Variants in PRKN observed in about 807,000 individuals in gnomAD.
PRKN encodes E3 ubiquitin-protein ligase parkin.
In PRKN, 56 loss-of-function variants were observed where a neutral mutation model predicts 59.5. The observed-to-expected ratio is 0.94, with a 90% CI of 0.76 to 1.18. The LOEUF is 1.18. PRKN is among the 50% of genes most tolerant of loss of function. PRKN has a pLI of 0.00. For missense variants in PRKN, 657 were observed against 596.4 expected (o/e 1.10, Z -1.06); for synonymous variants, 250 against 222.1 (o/e 1.13, Z -1.12).
At chr6:162,696,477 A>C (rs1247181463) in intron 1 of PRKN, among the ~76,000 whole-genome samples, 1 of 146,428 alleles carries the variant, frequency 6.8e-6, no homozygotes, top group Non-Finnish European at 1.5e-5. Context: ...AAAAGCATGT[A>C]TTTGTTTGTG....
chr6:161,628,110 TCTC>T (rs561296041), intron 7 of PRKN, among the ~76,000 whole-genome samples: 48 of 152,258 alleles, frequency 3.2e-4, no homozygotes, highest in African/African-American at 9.4e-4. Flanking sequence ...GATTTATTGC[TCTC>T]CTTTTTCTTA....
At chr6:161,829,919 C>T (rs938582522) in intron 6 of PRKN, among the ~76,000 whole-genome samples, 5 of 149,708 alleles carry the variant, frequency 3.3e-5, no homozygotes, top group African/African-American at 1.2e-4. Context: ...AGCAAGTGAA[C>T]AAGTTTGCAG....
At chr6:162,044,754 T>C (rs1047887838) in intron 5 of PRKN, among the ~76,000 whole-genome samples, 5 of 152,162 alleles carry the variant, frequency 3.3e-5, no homozygotes, top group African/African-American at 1.2e-4. Context: ...CATGCCAACA[T>C]CACCACCTGT....
At position 162,223,903 on chromosome 6, in the gene PRKN, A is replaced by G. The variant is rs572936143; in HGVS notation, c.413-22651T>C. Among the ~76,000 whole-genome samples the G allele has an allele frequency of 1.3e-3, 194 of 152,244 alleles. 1 individual carries two copies. Among genetic ancestry groups the G allele is most frequent in the African/African-American group, 4.3e-3 (178 of 41,544 alleles). ...GGAATCATATGAGATAAATATTACT[A>G]TTATTCCAATGTATCCCTTTTTAAA... On this transcript the variant is annotated intron_variant, in intron 3 of 11. Transcript: ENST00000366898.
chr6:161,986,686 C>G (rs1192038583), intron 5 of PRKN, among the ~76,000 whole-genome samples: 1 of 151,958 alleles, frequency 6.6e-6, no homozygotes, highest in African/African-American at 2.4e-5. Context: ...GAGCTTCTGT[C>G]ACCTACATAT....
At chr6:162,078,753 T>TAAA (rs1309430893) in intron 4 of PRKN, among the ~76,000 whole-genome samples, 4 of 151,994 alleles carry the variant, frequency 2.6e-5, no homozygotes, top group African/African-American at 9.7e-5. Context: ...CCACAAACCA[T>TAAA]AAACTTGTAA....
chr6:162,682,474 C>A (rs1779808225), intron 1 of PRKN, among the ~76,000 whole-genome samples: 1 of 152,076 alleles, frequency 6.6e-6, no homozygotes, highest in Admixed American at 6.6e-5. Flanking sequence ...CAGCTGGAGG[C>A]CATTATGTTA....
rs377565476 is a variant in PRKN at position 162,238,717 on chromosome 6, T to C, written c.412+23808A>G. On this transcript the variant is annotated intron_variant, in intron 3 of 11. Transcript: ENST00000366898. The stretch of plus-strand genomic sequence containing the variant: ...GGTTGTGACCTAGAATATTCTGTTG[T>C]TTTTCTGGTTTAGAGAAACAGAAAG... 6.8e-4 allele frequency among the ~76,000 whole-genome samples: 104 copies of C among 152,240 alleles called. 2 individuals are homozygous for C. The South Asian group carries it at 0.02, about 29-fold the overall frequency.
chr6:161,931,201 C>T (rs1478680904), intron 6 of PRKN, among the ~76,000 whole-genome samples: 2 of 151,978 alleles, frequency 1.3e-5, no homozygotes, highest in Admixed American at 6.6e-5. Context: ...TTTGGGAGGC[C>T]GAGGTGGGTG....
At chr6:162,475,362 T>C (rs1478065343) in intron 1 of PRKN, among the ~76,000 whole-genome samples, 1 of 152,166 alleles carries the variant, frequency 6.6e-6, no homozygotes, top group African/African-American at 2.4e-5. Context: ...GGATTTTCAC[T>C]TCCAAGTCCA....
In PRKN at chr6:161,356,008, C is replaced by T. The variant is rs542418586; in HGVS notation, c.1285+4080G>A. On this transcript the variant is annotated intron_variant, in intron 11 of 11. Transcript: ENST00000366898. The surrounding 1 kb of genome is among the most constrained non-coding windows in gnomAD (Gnocchi z 7.8). ...GCACAGCCTAAGAGGCCTGAGCTGACGTCCAGGAGCTCTGGGGATGGGGCA... is the reference window on the plus strand; with the variant it reads ...GCACAGCCTAAGAGGCCTGAGCTGATGTCCAGGAGCTCTGGGGATGGGGCA... 1.6e-4 allele frequency among the ~76,000 whole-genome samples: 24 copies of T among 152,282 alleles called. No homozygotes were observed. Among genetic ancestry groups the T allele is most frequent in the African/African-American group, 4.3e-4 (18 of 41,548 alleles).
intron 7 of PRKN, among the ~76,000 whole-genome samples, chr6:161,663,547 T>C (rs1317158338): frequency 6.6e-6 from 1 of 152,130 alleles, no homozygotes; most frequent in Non-Finnish European, 1.5e-5. Flanking sequence ...GTGGGATAAA[T>C]CAAGGATATA....
chr6:162,464,022 G>C (rs560701539), intron 1 of PRKN, among the ~76,000 whole-genome samples: 2 of 152,212 alleles, frequency 1.3e-5, no homozygotes, highest in South Asian at 4.1e-4. Flanking sequence ...TTTAATCAAA[G>C]ACTGCCCTGA....
At chr6:162,342,347 CA>C (rs1354273916) in intron 2 of PRKN, among the ~76,000 whole-genome samples, 5 of 152,108 alleles carry the variant, frequency 3.3e-5, no homozygotes, top group Non-Finnish European at 4.4e-5. Context: ...CAAAACAAAA[CA>C]AAACAACGTT....
intron 4 of PRKN, among the ~76,000 whole-genome samples, chr6:162,125,723 T>C (rs549031774): frequency 2.5e-4 from 38 of 152,290 alleles, no homozygotes; most frequent in African/African-American, 8.9e-4. Flanking sequence ...TTGAACCTGG[T>C]AGAGCTGGTG....
intron 6 of PRKN, among the ~76,000 whole-genome samples, chr6:161,911,985 C>CT (rs1399748066): frequency 2.0e-5 from 3 of 152,006 alleles, no homozygotes; most frequent in African/African-American, 7.2e-5. Context: ...CGTGACCAGC[C>CT]TGGTCAACAT....
At chr6:162,042,154 A>C (rs1256484832) in intron 5 of PRKN, among the ~76,000 whole-genome samples, 4 of 152,094 alleles carry the variant, frequency 2.6e-5, no homozygotes, top group Non-Finnish European at 5.9e-5. Flanking sequence ...TCATTCAAAT[A>C]AAAGCAAATA....
At chr6:161,778,908 C>T (rs879809539) in intron 7 of PRKN, among the ~76,000 whole-genome samples, 5 of 152,096 alleles carry the variant, frequency 3.3e-5, no homozygotes, top group Admixed American at 3.3e-4. Flanking sequence ...AATTAACTGT[C>T]ATTTCTGTTT....
intron 7 of PRKN, among the ~76,000 whole-genome samples, chr6:161,727,086 G>A (rs550353127): frequency 5.9e-5 from 9 of 152,146 alleles, no homozygotes; most frequent in Non-Finnish European, 1.3e-4. Flanking sequence ...GATCCTAAGA[G>A]AACAGGAGAC....
Sources: allele counts gnomAD v4.1 joint callset (sites outside exome capture counted in the v4.1 genomes callset), GRCh38; gene constraint gnomAD v4.1.1; non-coding constraint Gnocchi (gnomAD v3.1); transcripts MANE v1.5; gene names NCBI Gene and HGNC (gene_info 2026-07-23, HGNC 2026-07-21).